Variants in CDH4 observed in about 807,000 individuals in gnomAD.
The protein encoded by CDH4 is cadherin-4.
A neutral mutation model predicts 86.0 loss-of-function variants in CDH4; 33 were observed. The ratio of observed to expected loss-of-function variants is 0.38; its 90% CI spans 0.29 to 0.51. The LOEUF (loss-of-function observed/expected upper bound fraction) is 0.51. Among genes scored for constraint, CDH4 ranks in the 20% least tolerant of loss-of-function variants. The pLI is 0.86. For synonymous variants in CDH4, 555 were observed against 549.4 expected (o/e 1.01, Z -0.14); for missense variants, 1,114 against 1,307.4 (o/e 0.85, Z 2.28).
intron 2 of CDH4, among the ~76,000 whole-genome samples, chr20:61,732,743 C>A (rs1228927185): frequency 2.6e-5 from 4 of 152,228 alleles, no homozygotes; most frequent in Non-Finnish European, 5.9e-5. Flanking sequence ...ACCGCTCGTC[C>A]CCCACGCCTG....
intron 2 of CDH4, among the ~76,000 whole-genome samples, chr20:61,461,888 T>G (rs541034944): frequency 1.2e-4 from 18 of 152,238 alleles, no homozygotes; most frequent in African/African-American, 4.3e-4. Flanking sequence ...CCGTGTGCAT[T>G]CCCAGGGCCA....
In CDH4 at chr20:61,631,420, A is replaced by T. The variant is rs1354780482; in HGVS notation, c.170-112143A>T. ...TTTGGGAGACCGAGGAGGGCAGATC[A>T]TCTGAGGTCAGGGATTCGAAACCAG... On this transcript the variant is annotated intron_variant, in intron 2 of 15. Coordinates refer to ENST00000614565, the MANE Select transcript of CDH4 (RefSeq NM_001794.5). 3.9e-5 allele frequency among the ~76,000 whole-genome samples: 6 copies of T among 152,192 alleles called. No individual in the cohort carries two copies. The East Asian group carries it at 9.7e-4, about 25-fold the overall frequency.
chr20:61,407,636 T>A (rs1029304995), intron 2 of CDH4, among the ~76,000 whole-genome samples: 1 of 152,100 alleles, frequency 6.6e-6, no homozygotes, highest in Non-Finnish European at 1.5e-5. Flanking sequence ...AATGAATGAG[T>A]CTGTCCTGAT....
chr20:61,429,409 C>G (rs907746503), intron 2 of CDH4, among the ~76,000 whole-genome samples: 1 of 152,214 alleles, frequency 6.6e-6, no homozygotes, highest in Non-Finnish European at 1.5e-5. Flanking sequence ...CAGTTTATAG[C>G]AAATCGTATG....
chr20:61,430,781 C>G (rs1048465010), intron 2 of CDH4, among the ~76,000 whole-genome samples: 1 of 152,140 alleles, frequency 6.6e-6, no homozygotes, highest in Non-Finnish European at 1.5e-5. Context: ...ATTTGGTAGC[C>G]TGCATATCAT....
At chr20:61,603,458 G>A (rs1298476440) in intron 2 of CDH4, among the ~76,000 whole-genome samples, 2 of 152,202 alleles carry the variant, frequency 1.3e-5, no homozygotes, top group Admixed American at 6.5e-5. Flanking sequence ...GCAGTTGGGC[G>A]GCTGTTTTGG....
At chr20:61,913,437 G>A (rs1466113067) in intron 9 of CDH4, among the ~76,000 whole-genome samples, 1 of 152,236 alleles carries the variant, frequency 6.6e-6, no homozygotes, top group Non-Finnish European at 1.5e-5. Context: ...TCAGGGAAGC[G>A]CCAGTGTCTT....
At chr20:61,782,126 G>GT (rs1978579047) in intron 4 of CDH4, among the ~76,000 whole-genome samples, 1 of 152,112 alleles carries the variant, frequency 6.6e-6, no homozygotes, top group Non-Finnish European at 1.5e-5. Flanking sequence ...GCCCAACATG[G>GT]TGAAACCCCA....
At chr20:61,538,863 G>C (rs73914824) in intron 2 of CDH4, among the ~76,000 whole-genome samples, 3,112 of 152,346 alleles carry the variant, frequency 0.02, 104 homozygotes, top group African/African-American at 0.069. Flanking sequence ...AATGCTAATG[G>C]GGTCAGGCTC....
chr20:61,660,571 TTG>T (rs2087242055), intron 2 of CDH4, among the ~76,000 whole-genome samples: 1 of 152,100 alleles, frequency 6.6e-6, no homozygotes, highest in Admixed American at 6.5e-5. Flanking sequence ...TGAATATGGA[TTG>T]TGTTTGCAGC....
chr20:61,510,687 G>A lies in CDH4; in HGVS notation c.170-232876G>A, dbSNP rs537248295. Among the ~76,000 whole-genome samples, 17 of 152,062 alleles carry A rather than the reference G, an allele frequency of 1.1e-4. No homozygotes were observed. The highest frequency in any genetic ancestry group is 7.9e-4 in the Admixed American group (12 of 15,270). On this transcript the variant is annotated intron_variant, in intron 2 of 15. Transcript: ENST00000614565. This position sits in a 1 kb window ranked among gnomAD's most constrained non-coding sequence, Gnocchi z 4.2. ...TTACTTGCTTGGGGGATTATGAGGC[G>A]GGAAGGTGTGCCCTCCATTATATAG...
At chr20:61,334,724 C>T (rs2084608072) in intron 2 of CDH4, among the ~76,000 whole-genome samples, 1 of 152,190 alleles carries the variant, frequency 6.6e-6, no homozygotes, top group South Asian at 2.1e-4. Context: ...ACATGAGCAC[C>T]CACACCTCTG....
At chr20:61,489,073 T>C (rs1435385676) in intron 2 of CDH4, among the ~76,000 whole-genome samples, 1 of 152,240 alleles carries the variant, frequency 6.6e-6, no homozygotes, top group Non-Finnish European at 1.5e-5. Context: ...CCCAGACCTC[T>C]GCTTGGAAGC....
intron 2 of CDH4, among the ~76,000 whole-genome samples, chr20:61,575,382 G>A (rs1048362756): frequency 6.6e-6 from 1 of 152,124 alleles, no homozygotes; most frequent in Non-Finnish European, 1.5e-5. Flanking sequence ...CAGTTTTATG[G>A]CAGACACCAT....
chr20:61,812,128 A>G (rs1384023480), intron 4 of CDH4, among the ~76,000 whole-genome samples: 2 of 152,000 alleles, frequency 1.3e-5, no homozygotes, highest in African/African-American at 4.8e-5. Context: ...GTGGCTGCCT[A>G]AGCTTCACTC....
At chr20:61,907,343 C>T (rs918271357) in intron 8 of CDH4, among the ~76,000 whole-genome samples, 5 of 152,054 alleles carry the variant, frequency 3.3e-5, no homozygotes, top group African/African-American at 1.2e-4. Context: ...GTCCTCTGCC[C>T]GGGGCCTGGC....
intron 2 of CDH4, among the ~76,000 whole-genome samples, chr20:61,483,542 G>A (rs922562984): frequency 2.6e-5 from 4 of 152,110 alleles, no homozygotes; most frequent in East Asian, 1.9e-4. Context: ...TTTGGCTGAC[G>A]AGATGTTAGC....
intron 2 of CDH4, among the ~76,000 whole-genome samples, chr20:61,622,913 T>TA (rs1460842376): frequency 1.3e-5 from 2 of 152,162 alleles, no homozygotes; most frequent in African/African-American, 4.8e-5. Context: ...CTGCGGAGTT[T>TA]AAGAGCCTCG....
chr20:61,852,900 T>C lies in CDH4; in HGVS notation c.877+2T>C. The C allele has an allele frequency of 1.9e-6, 3 of 1,613,644 alleles. No homozygotes were observed. Among genetic ancestry groups the C allele is most frequent in the Non-Finnish European group, 2.5e-6 (3 of 1,179,814 alleles). ...CCGTGGACGAGGGCTCCAAGCCAGGTGAGGCCTTTAGCGTTTGCTTGCTGG... is the reference window on the plus strand; with the variant it reads ...CCGTGGACGAGGGCTCCAAGCCAGGCGAGGCCTTTAGCGTTTGCTTGCTGG... On this transcript the variant is annotated splice_donor_variant, in intron 6 of 15. Coordinates refer to ENST00000614565, the MANE Select transcript of CDH4 (RefSeq NM_001794.5). LOFTEE classifies it high-confidence loss of function.
Sources: gnomAD v4.1 joint callset for allele counts (sites outside exome capture counted in the v4.1 genomes callset) on GRCh38, gnomAD v4.1.1 for gene constraint, Gnocchi (gnomAD v3.1) non-coding constraint, MANE v1.5 for transcripts, NCBI Gene and HGNC (gene_info 2026-07-23, HGNC 2026-07-21) for gene names.